Variants in GALNTL6 observed in about 807,000 individuals in gnomAD.
GALNTL6 encodes polypeptide N-acetylgalactosaminyltransferase-like 6.
GALNTL6 carries 46 observed loss-of-function variants against 73.7 expected under a neutral mutation model. That is an observed-to-expected ratio of 0.62 (90% CI 0.49 to 0.80). GALNTL6 has a LOEUF of 0.80. Among genes scored for constraint, GALNTL6 ranks in the 30% least tolerant of loss-of-function variants. The pLI is 0.00. For missense variants in GALNTL6, 604 were observed against 755.0 expected, an observed-to-expected ratio of 0.80 and a Z score of 2.34; for synonymous variants, 259 against 263.7, an observed-to-expected ratio of 0.98 and a Z score of 0.17.
At chr4:171,973,279 G>A (rs981410093) in intron 2 of GALNTL6, among the ~76,000 whole-genome samples, 2 of 152,104 alleles carry the variant, frequency 1.3e-5, no homozygotes, top group Non-Finnish European at 2.9e-5. Context: ...GTTTGCTAGG[G>A]CTGCCATAAG....
In GALNTL6 at chr4:172,544,379, A is replaced by G. The variant is rs143345831; in HGVS notation, c.553+195690A>G. On this transcript the variant is annotated intron_variant, in intron 5 of 12. Transcript: ENST00000506823. ...GTTGTGGTTCTCAAGGGTCCTGTTT[A>G]TCTTCTTTGACTCTCCCAATCCAAA... is the stretch of plus-strand genomic sequence containing the variant. 5.6e-3 allele frequency among the ~76,000 whole-genome samples: 845 copies of G among 152,246 alleles called. 5 individuals carry two copies. The highest frequency in any genetic ancestry group is 0.011 in the Admixed American group (167 of 15,306).
intron 5 of GALNTL6, among the ~76,000 whole-genome samples, chr4:172,534,959 A>C (rs1735295133): frequency 6.6e-6 from 1 of 152,226 alleles, no homozygotes; most frequent in African/African-American, 2.4e-5. Context: ...ATGGAGATTG[A>C]AAAAAGTGAA....
intron 5 of GALNTL6, among the ~76,000 whole-genome samples, chr4:172,561,285 A>AG (rs1373428810): frequency 1.6e-4 from 23 of 148,088 alleles, no homozygotes; most frequent in Non-Finnish European, 3.2e-4. Flanking sequence ...AAAAAAAAAA[A>AG]TATTGCCCAA....
intron 5 of GALNTL6, among the ~76,000 whole-genome samples, chr4:172,718,451 G>A (rs922855613): frequency 3.9e-5 from 6 of 152,050 alleles, no homozygotes; most frequent in African/African-American, 1.4e-4. Context: ...GGGTAACACA[G>A]GGAGACCCTG....
At chr4:172,145,600 G>T (rs1312358524) in intron 2 of GALNTL6, among the ~76,000 whole-genome samples, 2 of 151,976 alleles carry the variant, frequency 1.3e-5, no homozygotes, top group Non-Finnish European at 2.9e-5. Context: ...TCTTTAAAAG[G>T]TTATCTGTTT....
intron 5 of GALNTL6, among the ~76,000 whole-genome samples, chr4:172,651,377 GT>G (rs1448135894): frequency 6.6e-6 from 1 of 152,192 alleles, no homozygotes; most frequent in Non-Finnish European, 1.5e-5. Context: ...ACAACTTCAA[GT>G]TTCACAATAT....
chr4:172,411,787 C>A (rs1744446292), intron 5 of GALNTL6, among the ~76,000 whole-genome samples: 1 of 152,004 alleles, frequency 6.6e-6, no homozygotes. Flanking sequence ...TTCATTTATC[C>A]ATGTAACATA....
chr4:172,626,397 G>C (rs1739172621), intron 5 of GALNTL6, among the ~76,000 whole-genome samples: 1 of 151,974 alleles, frequency 6.6e-6, no homozygotes. Context: ...TAACCATGCT[G>C]TTTTGGTTAC....
intron 5 of GALNTL6, among the ~76,000 whole-genome samples, chr4:172,773,708 C>T (rs1738908142): frequency 6.6e-6 from 1 of 151,908 alleles, no homozygotes; most frequent in African/African-American, 2.4e-5. Flanking sequence ...TTATCTTTAA[C>T]AGGTGAAGAA....
Position 172,492,164 on chromosome 4 carries a change from AC to A in GALNTL6, c.553+143478del, listed in dbSNP as rs376826958. 2.4e-3 allele frequency among the ~76,000 whole-genome samples: 366 copies of A among 152,292 alleles called. 2 individuals carry two copies. The highest frequency in any genetic ancestry group is 8.3e-3 in the African/African-American group (345 of 41,576). On this transcript the variant is annotated intron_variant, in intron 5 of 12. Coordinates refer to ENST00000506823, the MANE Select transcript of GALNTL6 (RefSeq NM_001034845.3). ...CGTATTATTTTTTCTTAACTAACAA[AC>A]CCTTTTATCAAATGACTTTTATGTA...
chr4:172,145,242 C>T (rs1166461156), intron 2 of GALNTL6, among the ~76,000 whole-genome samples: 1 of 152,046 alleles, frequency 6.6e-6, no homozygotes, highest in Non-Finnish European at 1.5e-5. Context: ...TGGGTTCACG[C>T]CATTCTCCTG....
chr4:171,988,800 T>C (rs569664871), intron 2 of GALNTL6, among the ~76,000 whole-genome samples: 6 of 152,008 alleles, frequency 3.9e-5, no homozygotes, highest in Admixed American at 1.3e-4. Context: ...GTAAGAGTGA[T>C]TAAGTTTTAA....
chr4:172,652,610 C>T (rs1740525821), intron 5 of GALNTL6, among the ~76,000 whole-genome samples: 1 of 152,132 alleles, frequency 6.6e-6, no homozygotes, highest in Non-Finnish European at 1.5e-5. Context: ...GACTCTATCC[C>T]CAGGGCATGA....
chr4:172,158,161 C>G (rs1734342038), intron 2 of GALNTL6, among the ~76,000 whole-genome samples: 1 of 152,144 alleles, frequency 6.6e-6, no homozygotes, highest in Non-Finnish European at 1.5e-5. Flanking sequence ...GCAGATGGCC[C>G]TCTCTAGGCT....
chr4:171,874,312 C>G (rs963896950), intron 2 of GALNTL6, among the ~76,000 whole-genome samples: 1 of 152,110 alleles, frequency 6.6e-6, no homozygotes, highest in Non-Finnish European at 1.5e-5. Context: ...AAGTGATTCT[C>G]CTGAGTAGCT....
intron 5 of GALNTL6, among the ~76,000 whole-genome samples, chr4:172,573,790 T>C (rs1371271845): frequency 6.6e-6 from 1 of 152,192 alleles, no homozygotes; most frequent in Non-Finnish European, 1.5e-5. Context: ...AAATCTTTTA[T>C]TCAGATGTTT....
chr4:172,824,027 G>T (rs1726393350), intron 7 of GALNTL6, among the ~76,000 whole-genome samples: 1 of 152,146 alleles, frequency 6.6e-6, no homozygotes, highest in Admixed American at 6.5e-5. Context: ...CGAGAGCAGG[G>T]CTGGGAAGGG....
At chr4:172,723,592 G>A (rs1475905070) in intron 5 of GALNTL6, among the ~76,000 whole-genome samples, 1 of 152,000 alleles carries the variant, frequency 6.6e-6, no homozygotes, top group African/African-American at 2.4e-5. Flanking sequence ...TAGTTTGACA[G>A]CAAGATAAAA....
At chr4:172,908,193 AT>A (rs1253700343) in intron 8 of GALNTL6, among the ~76,000 whole-genome samples, 2 of 152,202 alleles carry the variant, frequency 1.3e-5, no homozygotes, top group African/African-American at 4.8e-5. Flanking sequence ...TGAATTGTTT[AT>A]TTCTAGAATT....
Sources: gnomAD v4.1 joint callset for allele counts (sites outside exome capture counted in the v4.1 genomes callset) on GRCh38, gnomAD v4.1.1 for gene constraint, MANE v1.5 for transcripts, NCBI Gene and HGNC (gene_info 2026-07-23, HGNC 2026-07-21) for gene names.